The following EYS variants were observed in gnomAD, a reference collection of about 807,000 sequenced individuals.
EYS encodes the protein protein eyes shut homolog.
Under a neutral mutation model 282.1 loss-of-function variants are expected in EYS, and 250 were observed. That is an observed-to-expected ratio of 0.89 (90% CI 0.80 to 0.98). The LOEUF (loss-of-function observed/expected upper bound fraction) is 0.98, where lower values mean the gene tolerates loss of function less well. EYS is among the 50% of genes least tolerant of loss of function. EYS has a pLI of 0.00. For synonymous variants in EYS, 1,355 were observed against 1,282.9 expected (o/e 1.06, Z -1.20); for missense variants, 4,016 against 3,709.0 (o/e 1.08, Z -2.15).
At chr6:64,807,268 T>C (rs9452997) in intron 22 of EYS, among the ~76,000 whole-genome samples, 6,534 of 152,182 alleles carry the variant, frequency 0.043, 176 homozygotes, top group Non-Finnish European at 0.063. Context: ...TCAAATAAAA[T>C]ATACTGTAAT....
chr6:63,774,488 A>T (rs1285621901), intron 40 of EYS, among the ~76,000 whole-genome samples: 1 of 152,120 alleles, frequency 6.6e-6, no homozygotes, highest in East Asian at 1.9e-4. Flanking sequence ...TTTTTCTTAA[A>T]GGGACACATC....
At chr6:64,685,303 T>TA (rs5876915) in intron 22 of EYS, among the ~76,000 whole-genome samples, 1 of 151,470 alleles carries the variant, frequency 6.6e-6, no homozygotes, top group East Asian at 2.0e-4. Flanking sequence ...ATACTTGATT[T>TA]AAAAAAAATC....
In EYS at chr6:63,926,817, G is replaced by A. The variant is rs538353772; in HGVS notation, c.7055+57566C>T. ...TACTTATTGCTGTCATTACTATTACGTACAAATTAACAATAATGACCTGCA... is the reference window on the plus strand; with the variant it reads ...TACTTATTGCTGTCATTACTATTACATACAAATTAACAATAATGACCTGCA... On this transcript the variant is annotated intron_variant, in intron 35 of 42. Coordinates refer to ENST00000503581, the MANE Select transcript of EYS (RefSeq NM_001142800.2). 3.9e-5 allele frequency among the ~76,000 whole-genome samples: 6 copies of A among 152,124 alleles called. No individual in the cohort carries two copies. The South Asian group carries it at 6.2e-4, about 16-fold the overall frequency.
intron 22 of EYS, among the ~76,000 whole-genome samples, chr6:64,792,972 A>C (rs1262229880): frequency 6.6e-6 from 1 of 151,648 alleles, no homozygotes; most frequent in Non-Finnish European, 1.5e-5. Flanking sequence ...AAACATATAT[A>C]GAAATTCATA....
chr6:65,430,804 A>G (rs980529154), intron 5 of EYS, among the ~76,000 whole-genome samples: 6 of 152,176 alleles, frequency 3.9e-5, no homozygotes, highest in African/African-American at 1.4e-4. Flanking sequence ...GCTGACTTGC[A>G]GGAAAGGATC....
chr6:65,116,320 C>T (rs1775372756), intron 12 of EYS, among the ~76,000 whole-genome samples: 1 of 152,116 alleles, frequency 6.6e-6, no homozygotes, highest in African/African-American at 2.4e-5. Flanking sequence ...TTCTTCACGT[C>T]TAATTAACAC....
intron 35 of EYS, among the ~76,000 whole-genome samples, chr6:63,925,117 A>G (rs1764679050): frequency 6.6e-6 from 1 of 152,224 alleles, no homozygotes; most frequent in Admixed American, 6.5e-5. Context: ...TGTAAAATGA[A>G]ACTACCAATG....
intron 19 of EYS, among the ~76,000 whole-genome samples, chr6:64,825,280 A>C (rs1321353780): frequency 6.6e-6 from 1 of 151,896 alleles, no homozygotes; most frequent in Non-Finnish European, 1.5e-5. Context: ...AATTGCCATT[A>C]TCCTGTTTTA....
At chr6:64,547,851 G>C (rs886651364) in intron 26 of EYS, among the ~76,000 whole-genome samples, 3 of 152,188 alleles carry the variant, frequency 2.0e-5, no homozygotes, top group South Asian at 2.1e-4. Flanking sequence ...CGGGCTACAG[G>C]TCCCAAGCCC....
At chr6:65,346,016 T>C (rs1032548993) in intron 9 of EYS, among the ~76,000 whole-genome samples, 2 of 151,868 alleles carry the variant, frequency 1.3e-5, no homozygotes, top group African/African-American at 2.4e-5. Flanking sequence ...TGATCCAGAT[T>C]ATTATTCTAA....
At chr6:65,155,845 A>G (rs1336639597) in intron 12 of EYS, among the ~76,000 whole-genome samples, 1 of 151,524 alleles carries the variant, frequency 6.6e-6, no homozygotes, top group African/African-American at 2.4e-5. Flanking sequence ...TTGGCTGAAT[A>G]TGTCCAAAGG....
intron 31 of EYS, among the ~76,000 whole-genome samples, chr6:64,098,828 C>T (rs1772726863): frequency 6.6e-6 from 1 of 152,062 alleles, no homozygotes; most frequent in African/African-American, 2.4e-5. Context: ...TGGTCTCGAA[C>T]TCCTGACCTC....
Position 63,799,007 on chromosome 6 carries a change from A to G in EYS, c.7411+7183T>C, listed in dbSNP as rs192209044. ...TGTGTGTATATATATATATATATAT[A>G]TATATATATATATAATTTTTTTTTT... On this transcript the variant is annotated intron_variant, in intron 37 of 42. Transcript: ENST00000503581. 3.9e-3 allele frequency among the ~76,000 whole-genome samples: 517 copies of G among 132,944 alleles called. 3 individuals carry two copies. The highest frequency in any genetic ancestry group is 6.3e-3 in the Admixed American group (83 of 13,246). The allele number at this position is 132,944 out of a possible 152,430, so 87.2% of individuals were successfully genotyped here.
intron 11 of EYS, among the ~76,000 whole-genome samples, chr6:65,314,973 C>T (rs1343794636): frequency 6.6e-6 from 1 of 152,040 alleles, no homozygotes; most frequent in Non-Finnish European, 1.5e-5. Context: ...CTTCTCATTC[C>T]AATGCTTGAT....
At chr6:64,853,464 T>A (rs1045781660) in intron 19 of EYS, among the ~76,000 whole-genome samples, 1 of 152,110 alleles carries the variant, frequency 6.6e-6, no homozygotes, top group African/African-American at 2.4e-5. Context: ...TCTGTTATAC[T>A]TTTTTTGTTC....
chr6:65,406,372 T>C (rs907915492), intron 5 of EYS, among the ~76,000 whole-genome samples: 2 of 152,136 alleles, frequency 1.3e-5, no homozygotes, highest in Non-Finnish European at 2.9e-5. Context: ...TTCTCACTTG[T>C]TGACATTTGG....
chr6:64,414,868 G>T (rs1774015338), intron 28 of EYS, among the ~76,000 whole-genome samples: 1 of 152,098 alleles, frequency 6.6e-6, no homozygotes. Context: ...TTTTGGAAAT[G>T]AATACATAAA....
At chr6:65,023,020 A>G (rs2150139506) in intron 13 of EYS, among the ~76,000 whole-genome samples, 1 of 152,260 alleles carries the variant, frequency 6.6e-6, no homozygotes, top group Admixed American at 6.5e-5. Context: ...CAGTAGGAAG[A>G]GAGGACTGTT....
chr6:65,095,387 G>T (rs536114080), intron 12 of EYS, among the ~76,000 whole-genome samples: 1 of 150,604 alleles, frequency 6.6e-6, no homozygotes, highest in Admixed American at 6.6e-5. Context: ...ATTGAAAGTT[G>T]CTAAGATAAT....
Sources: allele counts gnomAD v4.1 joint callset (sites outside exome capture counted in the v4.1 genomes callset), GRCh38; gene constraint gnomAD v4.1.1; transcripts MANE v1.5; gene names NCBI Gene and HGNC (gene_info 2026-07-23, HGNC 2026-07-21).